WARS2: variants seen among roughly 807,000 people sequenced by gnomAD.
WARS2 encodes tryptophanyl tRNA synthetase 2, mitochondrial.
A neutral mutation model predicts 36.5 loss-of-function variants in WARS2; 28 were observed. That is an observed-to-expected ratio of 0.77 (90% CI 0.57 to 1.05). The LOEUF is 1.05. Among genes scored for constraint, WARS2 ranks in the 50% least tolerant of loss-of-function variants. The pLI is 0.00. For missense variants in WARS2, 435 were observed against 456.8 expected, an observed-to-expected ratio of 0.95 and a Z score of 0.44; for synonymous variants, 174 against 178.4, an observed-to-expected ratio of 0.98 and a Z score of 0.20.
At chr1:119,040,877 C>T (rs1218884354) in intron 4 of WARS2, among the ~76,000 whole-genome samples, 7 of 152,204 alleles carry the variant, frequency 4.6e-5, no homozygotes, top group Admixed American at 4.6e-4. Flanking sequence ...TTTCATTATA[C>T]TTTCATTTGT....
intron 1 of WARS2, among the ~76,000 whole-genome samples, chr1:119,139,364 A>G (rs1160252273): frequency 6.6e-6 from 1 of 152,258 alleles, no homozygotes; most frequent in Non-Finnish European, 1.5e-5. Flanking sequence ...TGACATGACT[A>G]GAAAAATAAG....
At chr1:119,034,284 G>A (rs2101097992) in intron 4 of WARS2, 71 bp from the exon 5 acceptor site, 1 of 1,238,986 alleles carries the variant, frequency 8.1e-7, no homozygotes, top group Non-Finnish European at 1.2e-6. Context: ...ATTGCAAGCA[G>A]CTGCATTTCC....
intron 4 of WARS2, among the ~76,000 whole-genome samples, chr1:119,039,732 T>C (rs1298931511): frequency 6.6e-6 from 1 of 152,170 alleles, no homozygotes; most frequent in African/African-American, 2.4e-5. Flanking sequence ...AGGCTCCTCT[T>C]CCATTCCTTT....
At chr1:119,128,279 T>C (rs1357137554) in intron 1 of WARS2, among the ~76,000 whole-genome samples, 1 of 152,082 alleles carries the variant, frequency 6.6e-6, no homozygotes, top group Non-Finnish European at 1.5e-5. Flanking sequence ...TTTCACTATG[T>C]TGGCCAGGCT....
intron 1 of WARS2, among the ~76,000 whole-genome samples, chr1:119,107,513 T>C (rs1654322774): frequency 6.6e-6 from 1 of 152,128 alleles, no homozygotes; most frequent in Non-Finnish European, 1.5e-5. Flanking sequence ...CATTCCAGCA[T>C]CATTTGATGA....
chr1:119,077,327 G>A (rs946068135), intron 1 of WARS2, among the ~76,000 whole-genome samples: 4 of 152,086 alleles, frequency 2.6e-5, no homozygotes, highest in African/African-American at 9.7e-5. Context: ...GGTGGTCAAC[G>A]AGGAAGCCTT....
chr1:119,091,172 C>T (rs1653016917), intron 1 of WARS2, among the ~76,000 whole-genome samples: 1 of 152,280 alleles, frequency 6.6e-6, no homozygotes, highest in South Asian at 2.1e-4. Flanking sequence ...TGCCTCCTAG[C>T]GCCTTTTGCA....
At chr1:119,103,675 A>G (rs1472266632) in intron 1 of WARS2, among the ~76,000 whole-genome samples, 1 of 151,924 alleles carries the variant, frequency 6.6e-6, no homozygotes, top group Non-Finnish European at 1.5e-5. Flanking sequence ...CAAATAACAT[A>G]GAACTATATA....
chr1:119,083,773 A>G (rs191671591), intron 1 of WARS2, among the ~76,000 whole-genome samples: 97 of 152,294 alleles, frequency 6.4e-4, no homozygotes, highest in Middle Eastern at 3.4e-3. Context: ...AAACTAAATT[A>G]ACAATTATCT....
intron 3 of WARS2, among the ~76,000 whole-genome samples, chr1:119,042,947 G>A (rs1244647378): frequency 6.6e-6 from 1 of 152,202 alleles, no homozygotes; most frequent in Non-Finnish European, 1.5e-5. Context: ...GAAGCAGTGA[G>A]GGTCAAGTGA....
chr1:119,076,325 C>T, intron 2 of WARS2, 25 bp downstream of exon 2: 2 of 1,612,098 alleles, frequency 1.2e-6, no homozygotes, highest in East Asian at 2.2e-5. Flanking sequence ...TAAGAGTTTT[C>T]TCAGTTCTAA....
At position 119,032,984 on chromosome 1, in the gene WARS2, A is replaced by C; in HGVS notation, c.1010T>G (p.Ile337Ser). Residue 337 changes from isoleucine (I) to serine (S), a missense_variant, in exon 6 of 6, where the codon ATT becomes AGT. Transcript: ENST00000235521. ...TAATTCTTTGGCTTTTGCTGATCCA[A>C]TTTGTAAAACCTTCTCTAAATGGTC... The part of the protein sequence containing the change: ...DKDHLEKVLQ[I>S]GSAKAKELAY... 3.7e-6 allele frequency: 6 copies of C among 1,614,222 alleles called. No homozygotes were observed. Among genetic ancestry groups the C allele is most frequent in the Non-Finnish European group, 5.1e-6 (6 of 1,180,038 alleles).
At chr1:119,038,867 A>T (rs573093097) in intron 4 of WARS2, among the ~76,000 whole-genome samples, 4 of 152,164 alleles carry the variant, frequency 2.6e-5, no homozygotes, top group Admixed American at 2.6e-4. Context: ...TTTTAAGTAG[A>T]GACAAGGTTT....
intron 3 of WARS2, among the ~76,000 whole-genome samples, chr1:119,042,818 A>G (rs1648487681): frequency 6.6e-6 from 1 of 152,236 alleles, no homozygotes; most frequent in African/African-American, 2.4e-5. Flanking sequence ...CCTTAAAATC[A>G]CATTTAAATA....
intron 1 of WARS2, among the ~76,000 whole-genome samples, chr1:119,080,369 A>G (rs916607085): frequency 6.6e-6 from 1 of 152,202 alleles, no homozygotes; most frequent in Non-Finnish European, 1.5e-5. Flanking sequence ...TGAGAAAACT[A>G]GAAGAGAAAA....
chr1:119,045,501 G>A, intron 3 of WARS2, 81 bp downstream of exon 3: 5 of 1,247,716 alleles, frequency 4.0e-6, no homozygotes, highest in Non-Finnish European at 5.7e-6. Flanking sequence ...AGGGAGGAGA[G>A]TAAACTCAGG....
intron 1 of WARS2, among the ~76,000 whole-genome samples, chr1:119,132,565 G>A (rs1656193040): frequency 2.0e-5 from 3 of 152,150 alleles, no homozygotes; most frequent in Admixed American, 6.5e-5. Flanking sequence ...CCAAATCTGC[G>A]ATTTGAGTAA....
At chr1:119,084,327 A>T (rs1652451620) in intron 1 of WARS2, among the ~76,000 whole-genome samples, 1 of 152,082 alleles carries the variant, frequency 6.6e-6, no homozygotes, top group African/African-American at 2.4e-5. Context: ...TCATTTTGGG[A>T]TGATAAAAAA....
chr1:119,140,512 C>T lies in WARS2; in HGVS notation c.90+43G>A, dbSNP rs376002550. ...GAGGGCAGTGGGATGAGAAGAACCT[C>T]GCGGGATGGGAAGCCGCGGAGGGAA... On this transcript the variant is annotated intron_variant, in intron 1 of 5. Transcript: ENST00000235521. 4.9e-4 allele frequency: 786 copies of T among 1,588,018 alleles called. 7 individuals are homozygous for T. The highest frequency in any genetic ancestry group is 1.2e-4 in the Non-Finnish European group (139 of 1,159,584).
Sources: gnomAD v4.1 joint callset for allele counts (sites outside exome capture counted in the v4.1 genomes callset) on GRCh38, gnomAD v4.1.1 for gene constraint, MANE v1.5 for transcripts, NCBI Gene and HGNC (gene_info 2026-07-23, HGNC 2026-07-21) for gene names.